The following SPTBN4 variants were observed in gnomAD, a reference collection of about 807,000 sequenced individuals.
The protein encoded by SPTBN4 is spectrin beta chain, non-erythrocytic 4.
In SPTBN4, 96 loss-of-function variants were observed where a neutral mutation model predicts 277.8. That is an observed-to-expected ratio of 0.35 (90% confidence interval 0.29 to 0.41). The LOEUF (loss-of-function observed/expected upper bound fraction) is 0.41, where lower values mean the gene tolerates loss of function less well. SPTBN4 is among the 10% of genes least tolerant of loss of function. The pLI, the probability that SPTBN4 is intolerant of heterozygous loss-of-function variation, is 1.00. For missense variants in SPTBN4, 3,006 were observed against 3,595.7 expected (o/e 0.84, Z 4.19); for synonymous variants, 1,481 against 1,580.3 (o/e 0.94, Z 1.49).
chr19:40,575,657 A>G lies in SPTBN4; in HGVS notation c.*88A>G. The stretch of plus-strand genomic sequence containing the variant: ...ACACTTTTTCTTCCGCAGGGGCGGG[A>G]GCCCCTAGTTCCAACACTGAGGACG... On this transcript the variant is annotated 3_prime_UTR_variant, in exon 36 of 36. Transcript: ENST00000598249. The G allele has an allele frequency of 6.9e-7, 1 of 1,443,676 alleles. No individual in the cohort carries two copies. The highest frequency in any genetic ancestry group is 9.2e-7 in the Non-Finnish European group (1 of 1,086,590). 89.4% of individuals were successfully genotyped at this position (1,443,676 alleles called of 1,614,324 possible).
Position 40,487,832 on chromosome 19 carries a change from T to A in SPTBN4, c.305T>A (p.Leu102Gln). 1 of 1,606,242 alleles carries A rather than the reference T, an allele frequency of 6.2e-7. No homozygotes were observed. Among genetic ancestry groups the A allele is most frequent in the Non-Finnish European group, 8.5e-7 (1 of 1,176,456 alleles). Reference sequence around the variant, plus strand: ...GTGCTCACGCGGCTCCTGGAAGTGCTGTCTGGGGAGCAGCTGGTGAGGGGG... The same window carrying A: ...GTGCTCACGCGGCTCCTGGAAGTGCAGTCTGGGGAGCAGCTGGTGAGGGGG... ...GFVLTRLLEV[L>Q]SGEQLPRPTR... Residue 102 changes from leucine (L) to glutamine (Q), a missense_variant, in exon 3 of 36, where the codon CTG becomes CAG. Leu to Gln is a moderately radical substitution (Grantham distance 113). Transcript: ENST00000598249.
At chr19:40,553,497 T>C (rs1396291002) in intron 22 of SPTBN4, among the ~76,000 whole-genome samples, 1 of 152,152 alleles carries the variant, frequency 6.6e-6, no homozygotes, top group African/African-American at 2.4e-5. Flanking sequence ...TGCTGGCTGT[T>C]ATTATCTTTA....
chr19:40,525,245 T>C (rs1195079831), intron 17 of SPTBN4, among the ~76,000 whole-genome samples: 1 of 151,986 alleles, frequency 6.6e-6, no homozygotes, highest in African/African-American at 2.4e-5. Flanking sequence ...TTTATGGGAA[T>C]TCTGTTCTTG....
chr19:40,476,882 C>T (rs1329672288), intron 2 of SPTBN4, among the ~76,000 whole-genome samples: 1 of 151,734 alleles, frequency 6.6e-6, no homozygotes, highest in Non-Finnish European at 1.5e-5. Flanking sequence ...CCACCGCGCC[C>T]GTCCTGTTTT....
At chr19:40,477,467 T>C (rs1306866870) in intron 2 of SPTBN4, among the ~76,000 whole-genome samples, 1 of 151,700 alleles carries the variant, frequency 6.6e-6, no homozygotes, top group Non-Finnish European at 1.5e-5. Context: ...CATAGGTCAG[T>C]GAGAGAGAGA....
rs1294535935 is a variant in SPTBN4 at position 40,490,007 on chromosome 19, G to A, written c.322-68G>A. 1 of 1,460,420 alleles carries A rather than the reference G, an allele frequency of 6.8e-7. No homozygotes were observed. The highest frequency in any genetic ancestry group is 1.4e-5 in the South Asian group (1 of 70,094). 90.5% of individuals were successfully genotyped at this position (1,460,420 alleles called of 1,614,324 possible). A position where few individuals can be genotyped will look rare whatever the true frequency, so the allele number is the denominator to read the frequency against. ...CGGGAGGCGGGCTTCTTTGGAAGCT[G>A]CGGGGCCGAGGGCGCCATACTCCTG... is the stretch of plus-strand genomic sequence containing the variant. On this transcript the variant is annotated intron_variant, in intron 3 of 35. Coordinates refer to ENST00000598249, the MANE Select transcript of SPTBN4 (RefSeq NM_020971.3). This position sits in a 1 kb window ranked among gnomAD's most constrained non-coding sequence, Gnocchi z 4.3.
At chr19:40,493,292 C>T (rs568727127) in intron 5 of SPTBN4, among the ~76,000 whole-genome samples, 1 of 152,176 alleles carries the variant, frequency 6.6e-6, no homozygotes, top group Non-Finnish European at 1.5e-5. Flanking sequence ...GTCACCCAGG[C>T]TGGAGTGCAG....
intron 29 of SPTBN4, among the ~76,000 whole-genome samples, chr19:40,565,952 G>T (rs924991581): frequency 6.6e-6 from 1 of 152,124 alleles, no homozygotes; most frequent in Non-Finnish European, 1.5e-5. Context: ...AGTCCTGGGT[G>T]GGGGGACATT....
intron 11 of SPTBN4, 119 bp downstream of exon 11, chr19:40,503,052 G>A: frequency 7.7e-7 from 1 of 1,293,640 alleles, no homozygotes; most frequent in Non-Finnish European, 1.1e-6. Flanking sequence ...TTAGTCTCCT[G>A]GTGATAAATG....
intron 16 of SPTBN4, among the ~76,000 whole-genome samples, chr19:40,522,141 G>A (rs913775495): frequency 9.2e-5 from 14 of 151,818 alleles, no homozygotes; most frequent in African/African-American, 2.9e-4. Context: ...ATCCTCCCAC[G>A]TCAGCCCTCC....
In SPTBN4 at chr19:40,529,115, T is replaced by C; in HGVS notation, c.3932T>C (p.Leu1311Pro). 1 of 1,613,940 alleles carries C rather than the reference T, an allele frequency of 6.2e-7. No individual in the cohort carries two copies. Among genetic ancestry groups the C allele is most frequent in the East Asian group, 2.2e-5 (1 of 44,878 alleles). The change falls in exon 18 of 36, where the codon CTC becomes CCC. Residue 1311 changes from leucine (L) to proline (P), a missense_variant. Transcript: ENST00000598249. ...LHDQLELQHF[L>P]RDCHELDGWI... is the part of the protein sequence containing the mutation. ...GACCAACTTGAGCTGCAGCACTTCC[T>C]CCGAGACTGCCACGAGGTAGGAACT... is the stretch of plus-strand genomic sequence containing the variant.
At chr19:40,546,507 T>C (rs1392561730) in intron 20 of SPTBN4, among the ~76,000 whole-genome samples, 1 of 152,016 alleles carries the variant, frequency 6.6e-6, no homozygotes, top group Non-Finnish European at 1.5e-5. Flanking sequence ...ACACAGCCCC[T>C]CCCATCATGT....
intron 5 of SPTBN4, 126 bp from the exon 6 acceptor site, chr19:40,494,771 T>G: frequency 1.3e-6 from 1 of 798,754 alleles, no homozygotes; most frequent in Non-Finnish European, 2.0e-6. Flanking sequence ...TCCATCCATC[T>G]TTCTATGTTC....
intron 18 of SPTBN4, among the ~76,000 whole-genome samples, chr19:40,529,781 GC>G (rs1486321090): frequency 6.6e-6 from 1 of 152,042 alleles, no homozygotes; most frequent in Non-Finnish European, 1.5e-5. Context: ...CCTAAACAGA[GC>G]TAGGCCTGGC....
chr19:40,505,413 C>T (rs572513439), intron 12 of SPTBN4, among the ~76,000 whole-genome samples: 22 of 140,042 alleles, frequency 1.6e-4, no homozygotes, highest in Admixed American at 3.6e-4. Flanking sequence ...AAGAAGAAGC[C>T]GGGCACGGTG....
chr19:40,506,803 C>T (rs1361961893), intron 13 of SPTBN4, among the ~76,000 whole-genome samples: 1 of 151,930 alleles, frequency 6.6e-6, no homozygotes, highest in Non-Finnish European at 1.5e-5. Context: ...CATAGAAAGA[C>T]ATCATCTGTA....
intron 31 of SPTBN4, 98 bp downstream of exon 31, chr19:40,568,380 C>G (rs2081118549): frequency 7.0e-7 from 1 of 1,427,260 alleles, no homozygotes; most frequent in East Asian, 2.6e-5. Flanking sequence ...GGGCTCAGAA[C>G]TTCCCAAAGA....
At chr19:40,558,431 G>A (rs1031868595) in intron 26 of SPTBN4, among the ~76,000 whole-genome samples, 8 of 152,000 alleles carry the variant, frequency 5.3e-5, no homozygotes, top group African/African-American at 1.9e-4. Flanking sequence ...TTTGATGGGG[G>A]CGAATTTAAT....
At chr19:40,498,460 C>G (rs899576017) in intron 7 of SPTBN4, among the ~76,000 whole-genome samples, 3 of 151,366 alleles carry the variant, frequency 2.0e-5, no homozygotes, top group Non-Finnish European at 2.9e-5. Context: ...GGCTGGAGTG[C>G]AGTGGCATGA....
Sources: allele counts gnomAD v4.1 joint callset (sites outside exome capture counted in the v4.1 genomes callset), GRCh38; gene constraint gnomAD v4.1.1; non-coding constraint Gnocchi (gnomAD v3.1); transcripts MANE v1.5; gene names NCBI Gene and HGNC (gene_info 2026-07-23, HGNC 2026-07-21).